Variants in RIMBP2 observed in about 807,000 individuals in gnomAD.
RIMBP2 encodes the protein RIMS-binding protein 2.
In RIMBP2, 48 loss-of-function variants were observed where a neutral mutation model predicts 118.6. The observed-to-expected ratio is 0.40, with a 90% CI of 0.32 to 0.51. RIMBP2 has a LOEUF of 0.51. Ranked by LOEUF, RIMBP2 falls within the 20% of genes least tolerant of loss-of-function variation. The pLI is 0.41. For synonymous variants in RIMBP2, 762 were observed against 742.9 expected (o/e 1.03, Z -0.42); for missense variants, 1,551 against 1,768.3 (o/e 0.88, Z 2.20).
intron 1 of RIMBP2, among the ~76,000 whole-genome samples, chr12:130,713,612 G>A (rs12371154): frequency 0.3 from 44,920 of 152,150 alleles, 7,831 homozygotes; most frequent in East Asian, 0.53. Context: ...CAGCCGATCC[G>A]GTTCTCCCCC....
chr12:130,486,986 C>T (rs371652519), intron 4 of RIMBP2, among the ~76,000 whole-genome samples: 43 of 152,332 alleles, frequency 2.8e-4, no homozygotes, highest in African/African-American at 9.6e-4. Context: ...AGCACAAAGG[C>T]TGCCAACTGC....
intron 7 of RIMBP2, among the ~76,000 whole-genome samples, chr12:130,456,281 G>A (rs889017355): frequency 6.6e-6 from 1 of 152,166 alleles, no homozygotes; most frequent in Non-Finnish European, 1.5e-5. Flanking sequence ...GAGAAAATGT[G>A]TGGGTCCCAC....
intron 2 of RIMBP2, among the ~76,000 whole-genome samples, chr12:130,521,056 T>G (rs1056823812): frequency 3.9e-5 from 6 of 152,154 alleles, no homozygotes; most frequent in African/African-American, 1.4e-4. Context: ...GACATGCATG[T>G]GTTTGCAGGC....
intron 1 of RIMBP2, among the ~76,000 whole-genome samples, chr12:130,661,674 A>C (rs2063670779): frequency 6.6e-6 from 1 of 152,190 alleles, no homozygotes; most frequent in Non-Finnish European, 1.5e-5. Context: ...CCAGCCTCTG[A>C]CAGGTCAGTC....
chr12:130,601,918 A>T (rs2059901777), intron 2 of RIMBP2, among the ~76,000 whole-genome samples: 1 of 152,210 alleles, frequency 6.6e-6, no homozygotes, highest in South Asian at 2.1e-4. Context: ...TGGAATGTCA[A>T]TGAGAAGGAA....
intron 4 of RIMBP2, among the ~76,000 whole-genome samples, chr12:130,498,821 C>A (rs1270614961): frequency 6.6e-6 from 1 of 152,154 alleles, no homozygotes; most frequent in Non-Finnish European, 1.5e-5. Flanking sequence ...CGTAACTACC[C>A]AAGTGGAGGC....
At position 130,450,688 on chromosome 12, in the gene RIMBP2, G is replaced by C. The variant is rs2078928319; in HGVS notation, c.505-412C>G. 6.6e-6 allele frequency among the ~76,000 whole-genome samples: 1 copy of C among 151,066 alleles called. No homozygotes were observed. The highest frequency in any genetic ancestry group is 2.1e-4 in the South Asian group (1 of 4,772). ...CCTAGTGCATTCCCCACACAAGCTG[G>C]AACAGTCTTTAAGCAGGAATTAGAC... On this transcript the variant is annotated intron_variant, in intron 8 of 22. Coordinates refer to ENST00000690449, the MANE Select transcript of RIMBP2 (RefSeq NM_001393629.1). The surrounding 1 kb of genome is among the most constrained non-coding windows in gnomAD (Gnocchi z 4.8).
chr12:130,646,221 CCCTCACCACCTG>C lies in RIMBP2; in HGVS notation c.-351-17777_-351-17766del, dbSNP rs1318538874. Among the ~76,000 whole-genome samples, 3 of 69,992 alleles carry C rather than the reference CCCTCACCACCTG, an allele frequency of 4.3e-5. 1 individual carries two copies. The East Asian group carries it at 1.3e-3, about 31-fold the overall frequency. 45.9% of individuals were successfully genotyped at this position (69,992 alleles called of 152,430 possible). On this transcript the variant is annotated intron_variant, in intron 1 of 22. Transcript: ENST00000690449. ...TCCCTCTCCACCTCCCTCTCCACCT[CCCTCACCACCTG>C]CCTCTCCACCTCCCTCACCACTTCC...
chr12:130,618,166 C>T (rs558801627), intron 2 of RIMBP2, among the ~76,000 whole-genome samples: 22 of 152,048 alleles, frequency 1.4e-4, no homozygotes, highest in African/African-American at 2.2e-4. Context: ...CGTAACTATG[C>T]GTCAATGCCA....
chr12:130,677,995 T>C (rs1427618887), intron 1 of RIMBP2, among the ~76,000 whole-genome samples: 1 of 152,246 alleles, frequency 6.6e-6, no homozygotes, highest in Non-Finnish European at 1.5e-5. Context: ...GCTCAGCACC[T>C]AAACAGGCAC....
rs771846800 is a variant in RIMBP2, at chr12:130,438,526, G to A, written c.1505-10C>T. On this transcript the variant is annotated splice_polypyrimidine_tract_variant and intron_variant, in intron 11 of 22. Coordinates refer to ENST00000690449, the MANE Select transcript of RIMBP2 (RefSeq NM_001393629.1). Reference sequence around the variant, plus strand: ...GGGGGTGCTGGGGGTCCTGGGAGGGGACAGAAGGGAACGGAGGCGTTCAGG... The same window carrying A: ...GGGGGTGCTGGGGGTCCTGGGAGGGAACAGAAGGGAACGGAGGCGTTCAGG... 6.3e-6 allele frequency: 10 copies of A among 1,589,040 alleles called. No individual in the cohort carries two copies. The highest frequency in any genetic ancestry group is 8.6e-6 in the Non-Finnish European group (10 of 1,167,062).
At chr12:130,677,190 C>G (rs981770696) in intron 1 of RIMBP2, among the ~76,000 whole-genome samples, 1 of 152,074 alleles carries the variant, frequency 6.6e-6, no homozygotes, top group Admixed American at 6.5e-5. Flanking sequence ...CAGCCTTCTA[C>G]GAGGAGCATG....
intron 2 of RIMBP2, among the ~76,000 whole-genome samples, chr12:130,592,090 C>A (rs141597712): frequency 6.6e-6 from 1 of 152,122 alleles, no homozygotes; most frequent in African/African-American, 2.4e-5. Context: ...TTCTTCCTCC[C>A]GAGAGGTAAG....
intron 1 of RIMBP2, among the ~76,000 whole-genome samples, chr12:130,650,972 AAAAAG>A (rs1252524404): frequency 3.1e-4 from 47 of 149,468 alleles, no homozygotes; most frequent in South Asian, 1.1e-3. Flanking sequence ...AAAAAAAAAA[AAAAAG>A]AAAGAAAAGA....
chr12:130,680,291 C>T (rs912924841), intron 1 of RIMBP2, among the ~76,000 whole-genome samples: 4 of 152,176 alleles, frequency 2.6e-5, no homozygotes, highest in East Asian at 1.9e-4. Flanking sequence ...CATGAAATGG[C>T]GTTGAGGATG....
At chr12:130,579,429 C>T (rs891008075) in intron 2 of RIMBP2, among the ~76,000 whole-genome samples, 17 of 152,184 alleles carry the variant, frequency 1.1e-4, no homozygotes, top group Non-Finnish European at 1.6e-4. Flanking sequence ...TGTCACAACT[C>T]GTTAGGCACG....
intron 19 of RIMBP2, among the ~76,000 whole-genome samples, chr12:130,410,219 T>C (rs2075601577): frequency 6.6e-6 from 1 of 152,188 alleles, no homozygotes; most frequent in Admixed American, 6.5e-5. Flanking sequence ...TTTGTACATA[T>C]TTTTATTGGG....
intron 2 of RIMBP2, among the ~76,000 whole-genome samples, chr12:130,564,729 G>A (rs2057093090): frequency 6.6e-6 from 1 of 152,196 alleles, no homozygotes; most frequent in African/African-American, 2.4e-5. Context: ...TGTAAGAGGG[G>A]GATGTGGGGA....
chr12:130,554,985 A>C (rs1367639748), intron 2 of RIMBP2, among the ~76,000 whole-genome samples: 1 of 152,244 alleles, frequency 6.6e-6, no homozygotes, highest in African/African-American at 2.4e-5. Context: ...GAATTCACTT[A>C]TGTGCTGTTC....
Sources: gnomAD v4.1 joint callset for allele counts (sites outside exome capture counted in the v4.1 genomes callset) on GRCh38, gnomAD v4.1.1 for gene constraint, Gnocchi (gnomAD v3.1) non-coding constraint, MANE v1.5 for transcripts, NCBI Gene and HGNC (gene_info 2026-07-23, HGNC 2026-07-21) for gene names.